The following SLC38A1 variants were observed in gnomAD, a reference collection of about 807,000 sequenced individuals.
The protein encoded by SLC38A1 is solute carrier family 38 member 1.
In SLC38A1, 18 loss-of-function variants were observed where a neutral mutation model predicts 60.3. The observed-to-expected ratio is 0.30, with a 90% CI of 0.21 to 0.44. The LOEUF (loss-of-function observed/expected upper bound fraction) is 0.44, where lower values mean the gene tolerates loss of function less well. Ranked by LOEUF, SLC38A1 falls within the 20% of genes least tolerant of loss-of-function variation. SLC38A1 has a pLI of 1.00. For synonymous variants in SLC38A1, 196 were observed against 212.1 expected (o/e 0.92, Z 0.66); for missense variants, 448 against 587.2 (o/e 0.76, Z 2.45).
rs1283949913 is a variant in SLC38A1, at chr12:46,187,307, G to A, written c.*1663C>T. ...AAACTCTGCCAACAGTCTGCGGTTA[G>A]ATTCTACTTGTCTCTGGATAAGAAA... On this transcript the variant is annotated 3_prime_UTR_variant, in exon 17 of 17. Coordinates refer to ENST00000398637, the MANE Select transcript of SLC38A1 (RefSeq NM_030674.4). 6.6e-6 allele frequency: 1 copy of A among 152,214 alleles called. No individual in the cohort carries two copies. Among genetic ancestry groups the A allele is most frequent in the Non-Finnish European group, 1.5e-5 (1 of 68,038 alleles). The allele number at this position is 152,214 out of a possible 1,614,324, so 9.4% of individuals were successfully genotyped here.
intron 16 of SLC38A1, among the ~76,000 whole-genome samples, chr12:46,194,327 T>C (rs1035404892): frequency 7.2e-5 from 11 of 152,202 alleles, no homozygotes; most frequent in African/African-American, 2.4e-4. Context: ...AGGCTTCCTT[T>C]TGTAGGTAAC....
At chr12:46,240,487 C>T (rs1592134036) in intron 2 of SLC38A1, among the ~76,000 whole-genome samples, 2 of 152,216 alleles carry the variant, frequency 1.3e-5, no homozygotes, top group East Asian at 3.9e-4. Flanking sequence ...TGAGCCACCG[C>T]ACCCGGCCTG....
At position 46,264,574 on chromosome 12, in the gene SLC38A1, CT is replaced by C. The variant is rs1377927326; in HGVS notation, c.-209+3951del. On this transcript the variant is annotated intron_variant, in intron 1 of 16. Coordinates refer to ENST00000398637, the MANE Select transcript of SLC38A1 (RefSeq NM_030674.4). ...CTTATTTTAAATCTAGGGTCAGTGT[CT>C]TTTTTTAGGTTATTGAAGTTAATCT... 2.6e-5 allele frequency among the ~76,000 whole-genome samples: 4 copies of C among 151,908 alleles called. No homozygotes were observed. The East Asian group carries it at 5.8e-4, about 22-fold the overall frequency.
chr12:46,229,408 C>CTTGAATGG, intron 4 of SLC38A1, 140 bp from the exon 5 acceptor site: 1 of 810,974 alleles, frequency 1.2e-6, no homozygotes, highest in South Asian at 1.7e-5. Context: ...TAGTTATTTC[C>CTTGAATGG]TTGAATGGAT....
intron 1 of SLC38A1, among the ~76,000 whole-genome samples, chr12:46,244,086 G>A (rs1210166752): frequency 6.6e-6 from 1 of 152,158 alleles, no homozygotes; most frequent in African/African-American, 2.4e-5. Flanking sequence ...AAACTACATG[G>A]CAGAACGAAG....
intron 12 of SLC38A1, among the ~76,000 whole-genome samples, chr12:46,202,527 G>A (rs1316502233): frequency 1.3e-5 from 2 of 152,088 alleles, no homozygotes; most frequent in East Asian, 3.8e-4. Context: ...AGTTAAAAAT[G>A]AACAGCAATA....
intron 2 of SLC38A1, among the ~76,000 whole-genome samples, chr12:46,240,968 A>G (rs1941425237): frequency 6.6e-6 from 1 of 152,198 alleles, no homozygotes; most frequent in African/African-American, 2.4e-5. Flanking sequence ...CACGAATTAA[A>G]AAGCAGATGG....
intron 1 of SLC38A1, among the ~76,000 whole-genome samples, chr12:46,266,659 T>A (rs572263308): frequency 1.2e-4 from 18 of 152,168 alleles, no homozygotes; most frequent in Admixed American, 6.5e-4. Flanking sequence ...TATGCCTACA[T>A]TTATATAGTC....
chr12:46,210,809 C>T (rs56055017), intron 5 of SLC38A1, among the ~76,000 whole-genome samples: 2,520 of 152,232 alleles, frequency 0.017, 80 homozygotes, highest in African/African-American at 0.058. Flanking sequence ...TCCCCAGCCA[C>T]GTGGAACTGT....
intron 5 of SLC38A1, among the ~76,000 whole-genome samples, chr12:46,219,376 G>C (rs1206801989): frequency 6.6e-6 from 1 of 152,144 alleles, no homozygotes; most frequent in Non-Finnish European, 1.5e-5. Context: ...AGATCTCATG[G>C]AACAATGTAC....
intron 13 of SLC38A1, 38 bp from the exon 14 acceptor site, chr12:46,198,781 A>G (rs1388769201): frequency 7.7e-7 from 1 of 1,297,424 alleles, no homozygotes; most frequent in Non-Finnish European, 1.1e-6. Context: ...TTAAAAGGAG[A>G]CAAAGTATAT....
At chr12:46,192,447 A>C (rs1939185056) in intron 16 of SLC38A1, among the ~76,000 whole-genome samples, 1 of 152,216 alleles carries the variant, frequency 6.6e-6, no homozygotes, top group Non-Finnish European at 1.5e-5. Context: ...CTAGCCTCAT[A>C]AAATGAGTTA....
intron 11 of SLC38A1, 29 bp from the exon 12 acceptor site, chr12:46,203,118 G>A (rs1203805356): frequency 6.4e-7 from 1 of 1,571,830 alleles, no homozygotes; most frequent in African/African-American, 1.4e-5. Context: ...TAGACATTAG[G>A]AAAAACACTT....
At position 46,207,140 on chromosome 12, in the gene SLC38A1, T is replaced by C. The variant is rs755536526; in HGVS notation, c.563+15A>G. On this transcript the variant is annotated intron_variant, in intron 8 of 16. Transcript: ENST00000398637. ...ACATTTTAGTTATATCATAAAAAAA[T>C]GGTCTATAACTTACGAAAATGTCTC... 2 of 1,533,922 alleles carry C rather than the reference T, an allele frequency of 1.3e-6. No individual in the cohort carries two copies. The highest frequency in any genetic ancestry group is 1.8e-6 in the Non-Finnish European group (2 of 1,126,490).
chr12:46,211,473 A>G (rs1318661262), intron 5 of SLC38A1, among the ~76,000 whole-genome samples: 1 of 152,240 alleles, frequency 6.6e-6, no homozygotes, highest in Non-Finnish European at 1.5e-5. Context: ...TATTAGCAAA[A>G]GAAACATTCT....
chr12:46,261,560 C>T lies in SLC38A1; in HGVS notation c.-209+6966G>A, dbSNP rs183714913. ...CAGTGAGCATCACAAACACCATCTTCCCATGGAAAACAAAACAAAAATGGG... is the reference window on the plus strand; with the variant it reads ...CAGTGAGCATCACAAACACCATCTTTCCATGGAAAACAAAACAAAAATGGG... On this transcript the variant is annotated intron_variant, in intron 1 of 16. Transcript: ENST00000398637. Among the ~76,000 whole-genome samples the T allele has an allele frequency of 2.2e-3, 328 of 152,296 alleles. 4 individuals carry two copies. The highest frequency in any genetic ancestry group is 0.01 in the South Asian group (50 of 4,826).
chr12:46,190,948 T>C (rs1939119592), intron 16 of SLC38A1, among the ~76,000 whole-genome samples: 1 of 152,198 alleles, frequency 6.6e-6, no homozygotes, highest in African/African-American at 2.4e-5. Flanking sequence ...TAGATCCCAT[T>C]TGTCTATTTT....
intron 12 of SLC38A1, 45 bp downstream of exon 12, chr12:46,202,965 G>C: frequency 7.0e-7 from 1 of 1,432,462 alleles, no homozygotes; most frequent in African/African-American, 1.4e-5. Flanking sequence ...CTATTAATGA[G>C]GGGATGTAAA....
chr12:46,258,191 T>C (rs1177926090), intron 1 of SLC38A1, among the ~76,000 whole-genome samples: 1 of 152,194 alleles, frequency 6.6e-6, no homozygotes, highest in African/African-American at 2.4e-5. Flanking sequence ...TGTTTTATCA[T>C]TAAGGTCTTT....
Sources: gnomAD v4.1 joint callset for allele counts (sites outside exome capture counted in the v4.1 genomes callset) on GRCh38, gnomAD v4.1.1 for gene constraint, MANE v1.5 for transcripts, NCBI Gene and HGNC (gene_info 2026-07-23, HGNC 2026-07-21) for gene names.